Variants in MTF1 observed in about 807,000 individuals in gnomAD.
The protein encoded by MTF1 is MRE-binding transcription factor.
A neutral mutation model predicts 70.4 loss-of-function variants in MTF1; 22 were observed. That is an observed-to-expected ratio of 0.31 (90% CI 0.22 to 0.45). The LOEUF (loss-of-function observed/expected upper bound fraction) is 0.45. MTF1 is among the 20% of genes least tolerant of loss of function. The pLI is 1.00. For synonymous variants in MTF1, 333 were observed against 352.8 expected (o/e 0.94, Z 0.63); for missense variants, 649 against 922.0 (o/e 0.70, Z 3.83).
At chr1:37,855,055 A>G (rs1343344191) in intron 2 of MTF1, among the ~76,000 whole-genome samples, 1 of 152,134 alleles carries the variant, frequency 6.6e-6, no homozygotes, top group Non-Finnish European at 1.5e-5. Flanking sequence ...GCAAAACTCC[A>G]TCTCAAAAAA....
chr1:37,853,428 G>A (rs966890077), intron 2 of MTF1, among the ~76,000 whole-genome samples: 15 of 152,164 alleles, frequency 9.9e-5, no homozygotes, highest in African/African-American at 3.6e-4. Context: ...TCAGAACTTG[G>A]CCATGTTCAT....
intron 4 of MTF1, among the ~76,000 whole-genome samples, chr1:37,837,840 A>G (rs1258000976): frequency 6.6e-6 from 1 of 152,188 alleles, no homozygotes; most frequent in African/African-American, 2.4e-5. Context: ...TTTTGGCAAT[A>G]CATCTATCTA....
rs1640957327 is a variant in MTF1 at position 37,823,805 on chromosome 1, C to T, written c.1076G>A (p.Gly359Asp). ...TGGTGAAATTGTGCTGAGGTCCTGG[C>T]CCTGGGTCTGATGGAGAGAGACAAA... The part of the protein sequence containing the change: ...ELRENSSTTQ[G>D]QDLSTISPAI... Residue 359 changes from glycine to aspartate, a missense_variant, in exon 8 of 11, where the codon GGC becomes GAC. This residue lies in a region of MTF1 where 267 missense variants were observed against 292.1 expected (regional missense o/e 0.91). Coordinates refer to ENST00000373036, the MANE Select transcript of MTF1 (RefSeq NM_005955.3). 6.2e-7 allele frequency: 1 copy of T among 1,613,490 alleles called. No homozygotes were observed. The highest frequency in any genetic ancestry group is 1.7e-5 in the Admixed American group (1 of 59,958).
At position 37,817,423 on chromosome 1, in the gene MTF1, G is replaced by A. The variant is rs1329985124; in HGVS notation, c.1827C>T (p.Ser609=). Residue 609 remains serine (S), a synonymous_variant, in exon 10 of 11, where the codon AGC becomes AGT. Transcript: ENST00000373036. Reference sequence around the variant, plus strand: ...GGCTAACATGGAATTACATACCTGGGCTACTGGCTACTGGTACTGCAGTGG... The same window carrying A: ...GGCTAACATGGAATTACATACCTGGACTACTGGCTACTGGTACTGCAGTGG... ...FFTTAVPVAS[S]PGSSVQQIGL... is the part of the protein sequence containing the mutation. 3 of 1,602,678 alleles carry A rather than the reference G, an allele frequency of 1.9e-6. No homozygotes were observed. The highest frequency in any genetic ancestry group is 2.6e-6 in the Non-Finnish European group (3 of 1,169,548).
At chr1:37,848,162 G>T (rs1255264646) in intron 2 of MTF1, among the ~76,000 whole-genome samples, 1 of 152,108 alleles carries the variant, frequency 6.6e-6, no homozygotes, top group Non-Finnish European at 1.5e-5. Flanking sequence ...TTAACCTCTT[G>T]TTAAACTGGA....
At chr1:37,850,214 G>T (rs1015398292) in intron 2 of MTF1, among the ~76,000 whole-genome samples, 2 of 136,608 alleles carry the variant, frequency 1.5e-5, no homozygotes, top group Non-Finnish European at 3.0e-5. Flanking sequence ...CTCCAGCCTG[G>T]CTACAGAATG....
At chr1:37,825,665 C>T (rs67704103) in intron 7 of MTF1, among the ~76,000 whole-genome samples, 31,503 of 152,122 alleles carry the variant, frequency 0.21, 4,119 homozygotes, top group Non-Finnish European at 0.28. Flanking sequence ...ACTTCTGCCA[C>T]CCCTGACACA....
At chr1:37,818,954 C>G (rs1282871785) in intron 9 of MTF1, among the ~76,000 whole-genome samples, 1 of 151,722 alleles carries the variant, frequency 6.6e-6, no homozygotes, top group East Asian at 1.9e-4. Context: ...GATCGCACCA[C>G]TGCACTCCAG....
rs1232756940 is a variant in MTF1, at chr1:37,815,939, C to G, written c.1832-373G>C. ...CCTTACGACTAAAATCCCTGGACAC[C>G]TCTCTTCTGGAGAACTGACACTCAT... On this transcript the variant is annotated intron_variant, in intron 10 of 10. Coordinates refer to ENST00000373036, the MANE Select transcript of MTF1 (RefSeq NM_005955.3). The surrounding 1 kb of genome is among the most constrained non-coding windows in gnomAD (Gnocchi z 4.5). Among the ~76,000 whole-genome samples, 1 of 152,150 alleles carries G rather than the reference C, an allele frequency of 6.6e-6. No homozygotes were observed. Among genetic ancestry groups the G allele is most frequent in the East Asian group, 1.9e-4 (1 of 5,194 alleles).
intron 1 of MTF1, among the ~76,000 whole-genome samples, chr1:37,858,032 GAAAA>G (rs1641527834): frequency 7.6e-6 from 1 of 131,158 alleles, no homozygotes; most frequent in South Asian, 2.4e-4. Flanking sequence ...AAAAAAAAAA[GAAAA>G]AGAAAGAAAA....
chr1:37,830,153 G>A (rs1641065474), intron 7 of MTF1, among the ~76,000 whole-genome samples: 1 of 152,150 alleles, frequency 6.6e-6, no homozygotes, highest in African/African-American at 2.4e-5. Flanking sequence ...GGGTAGCTTT[G>A]AGGGCATCTA....
At chr1:37,852,437 CAG>C (rs986244702) in intron 2 of MTF1, among the ~76,000 whole-genome samples, 2 of 152,160 alleles carry the variant, frequency 1.3e-5, no homozygotes, top group African/African-American at 4.8e-5. Flanking sequence ...GTGCGGAGAG[CAG>C]AGTTAGCCAC....
intron 3 of MTF1, among the ~76,000 whole-genome samples, chr1:37,839,329 T>TA (rs1208526947): frequency 1.3e-5 from 2 of 152,286 alleles, no homozygotes; most frequent in Non-Finnish European, 2.9e-5. Flanking sequence ...TTAAGCTAGT[T>TA]ATAGAACCCC....
chr1:37,837,543 T>C (rs1329839987), intron 4 of MTF1, among the ~76,000 whole-genome samples: 2 of 152,170 alleles, frequency 1.3e-5, no homozygotes, highest in Non-Finnish European at 2.9e-5. Flanking sequence ...TCTCACTCTG[T>C]CATCTAGGCT....
chr1:37,822,462 T>A lies in MTF1; in HGVS notation c.1426A>T (p.Thr476Ser). The A allele has an allele frequency of 6.2e-7, 1 of 1,614,112 alleles. No homozygotes were observed. The highest frequency in any genetic ancestry group is 8.5e-7 in the Non-Finnish European group (1 of 1,180,030). The change falls in exon 9 of 11, where the codon ACA becomes TCA. Residue 476 changes from threonine to serine, a missense_variant. This residue lies in a region of MTF1 where 267 missense variants were observed against 292.1 expected (regional missense o/e 0.91). Coordinates refer to ENST00000373036, the MANE Select transcript of MTF1 (RefSeq NM_005955.3). ...TCTTGATGATTAGCAGCAAACTGTG[T>A]GCTGTGGGGAACAGGCACTTCTGGA... ...QPPEVPVPHS[T>S]QFAANHQEFL...
intron 2 of MTF1, among the ~76,000 whole-genome samples, chr1:37,846,127 T>G (rs1641328966): frequency 6.6e-6 from 1 of 152,174 alleles, no homozygotes; most frequent in African/African-American, 2.4e-5. Context: ...AAAAATTATG[T>G]TCCAGAAATT....
chr1:37,829,084 A>G (rs1641046456), intron 7 of MTF1, among the ~76,000 whole-genome samples: 1 of 151,930 alleles, frequency 6.6e-6, no homozygotes, highest in Non-Finnish European at 1.5e-5. Flanking sequence ...ATATAAATTT[A>G]CTATTTGATT....
intron 2 of MTF1, among the ~76,000 whole-genome samples, chr1:37,852,640 T>TC (rs1000091003): frequency 6.6e-6 from 1 of 151,712 alleles, no homozygotes; most frequent in Non-Finnish European, 1.5e-5. Flanking sequence ...AAAACCTTTT[T>TC]TTTTTTTCCA....
At chr1:37,846,306 G>A (rs941452890) in intron 2 of MTF1, among the ~76,000 whole-genome samples, 9 of 151,116 alleles carry the variant, frequency 6.0e-5, no homozygotes, top group African/African-American at 2.2e-4. Flanking sequence ...AGACTTCAGT[G>A]ACCTTAGAAA....
Sources: allele counts gnomAD v4.1 joint callset (sites outside exome capture counted in the v4.1 genomes callset), GRCh38; gene constraint gnomAD v4.1.1; regional missense constraint gnomAD v4.1.1; non-coding constraint Gnocchi (gnomAD v3.1); transcripts MANE v1.5; gene names NCBI Gene and HGNC (gene_info 2026-07-23, HGNC 2026-07-21).